LLGL2: variants seen among roughly 807,000 people sequenced by gnomAD.
LLGL2 encodes the protein LLGL2, scribble cell polarity complex component.
In LLGL2, 81 loss-of-function variants were observed where a neutral mutation model predicts 123.2. The ratio of observed to expected loss-of-function variants is 0.66; its 90% CI spans 0.55 to 0.79. The LOEUF is 0.79. Among genes scored for constraint, LLGL2 ranks in the 30% least tolerant of loss-of-function variants. The pLI is 0.00. For missense variants in LLGL2, 1,273 were observed against 1,414.6 expected (o/e 0.90, Z 1.61); for synonymous variants, 577 against 594.1 (o/e 0.97, Z 0.42).
At chr17:75,548,255 T>C (rs1046269758) in intron 2 of LLGL2, among the ~76,000 whole-genome samples, 3 of 150,844 alleles carry the variant, frequency 2.0e-5, no homozygotes, top group African/African-American at 7.3e-5. Flanking sequence ...AAATTTATTT[T>C]ACAGAAGGAC....
chr17:75,568,035 G>A (rs1326266523), intron 10 of LLGL2: 1 of 1,038,682 alleles, frequency 9.6e-7, no homozygotes, highest in African/African-American at 1.7e-5. Context: ...GTGAGGTGAT[G>A]TGATTGTGTG....
rs1339164099 is a variant in LLGL2, at chr17:75,558,202, A to G, written c.221A>G (p.Asn74Ser). The G allele has an allele frequency of 1.2e-6, 2 of 1,613,448 alleles. No homozygotes were observed. The highest frequency in any genetic ancestry group is 1.3e-5 in the African/African-American group (1 of 74,912). Residue 74 changes from asparagine to serine, a missense_variant, in exon 4 of 26, where the codon AAC becomes AGC. Asn to Ser is a conservative substitution (Grantham distance 46). Coordinates refer to ENST00000392550, the MANE Select transcript of LLGL2 (RefSeq NM_001031803.2). This position sits in a 1 kb window ranked among gnomAD's most constrained non-coding sequence, Gnocchi z 4.0. ...VEFMGLHQEN[N>S]AVTQIHLLPG... The stretch of plus-strand genomic sequence containing the variant: ...TTCATGGGGCTGCACCAGGAGAACA[A>G]CGCTGTGACGCAGATCCACCTCCTG...
chr17:75,544,190 G>A lies in LLGL2; in HGVS notation c.75+689G>A, dbSNP rs973287440. Among the ~76,000 whole-genome samples the A allele has an allele frequency of 5.3e-5, 8 of 152,304 alleles. No homozygotes were observed. Among genetic ancestry groups the A allele is most frequent in the East Asian group, 1.9e-4 (1 of 5,172 alleles). ...CGTGCAGTGTGGCTCTTCAGCTCCC[G>A]GGCCACCAAGCAGTGTGGGGCCTTG... is the stretch of plus-strand genomic sequence containing the variant. On this transcript the variant is annotated intron_variant, in intron 2 of 25. Transcript: ENST00000392550. The surrounding 1 kb of genome is among the most constrained non-coding windows in gnomAD (Gnocchi z 4.2).
Position 75,559,294 on chromosome 17 carries a change from T to C in LLGL2, c.414T>C (p.His138=). 1 of 1,613,004 alleles carries C rather than the reference T, an allele frequency of 6.2e-7. No individual in the cohort carries two copies. The highest frequency in any genetic ancestry group is 8.5e-7 in the Non-Finnish European group (1 of 1,179,824). ...CACAGATCACCGTGGTCCTGCCACA[T>C]TCCTCCTGCGAGCTGCTCTACCTGG... The part of the protein sequence containing the change: ...SATQITVVLP[H]SSCELLYLGT... The change falls in exon 6 of 26, where the codon CAT becomes CAC. Residue 138 remains histidine (H), a synonymous_variant. Coordinates refer to ENST00000392550, the MANE Select transcript of LLGL2 (RefSeq NM_001031803.2). This position sits in a 1 kb window ranked among gnomAD's most constrained non-coding sequence, Gnocchi z 4.6.
In LLGL2 at chr17:75,563,749, C is replaced by T; in HGVS notation, c.827-3C>T. ...CCGTTCAAGCCGATTCCTTTCCTTT[C>T]AGGTCCCTTTCCTTGCAAAGCGATT... On this transcript the variant is annotated splice_polypyrimidine_tract_variant and splice_region_variant and intron_variant, in intron 8 of 25. Coordinates refer to ENST00000392550, the MANE Select transcript of LLGL2 (RefSeq NM_001031803.2). The T allele has an allele frequency of 2.5e-6, 4 of 1,614,126 alleles. No individual in the cohort carries two copies. Among genetic ancestry groups the T allele is most frequent in the Non-Finnish European group, 2.5e-6 (3 of 1,180,022 alleles).
Position 75,571,095 on chromosome 17 carries a change from A to G in LLGL2, c.2171A>G (p.Lys724Arg), listed in dbSNP as rs2147554813. ...CTGTACTTTGCTGACACCTACCTGA[A>G]GGACAGTGAGTGGCCAGCCTGGGGT... ...RTLYFADTYL[K>R]DSSRHCPSLW... The change falls in exon 17 of 26, where the codon AAG becomes AGG. Residue 724 changes from lysine to arginine, a missense_variant. Transcript: ENST00000392550. The G allele has an allele frequency of 1.3e-6, 2 of 1,593,492 alleles. No individual in the cohort carries two copies. Among genetic ancestry groups the G allele is most frequent in the Non-Finnish European group, 1.7e-6 (2 of 1,166,826 alleles).
At chr17:75,566,393 G>C (rs1410655163) in intron 10 of LLGL2, among the ~76,000 whole-genome samples, 1 of 152,214 alleles carries the variant, frequency 6.6e-6, no homozygotes, top group Admixed American at 6.5e-5. Context: ...GGTGACCTCA[G>C]CTTGGGCTGC....
In LLGL2 at chr17:75,558,983, C is replaced by G; in HGVS notation, c.372-269C>G. 1 of 503,186 alleles carries G rather than the reference C, an allele frequency of 2.0e-6. No homozygotes were observed. The highest frequency in any genetic ancestry group is 3.4e-5 in the Admixed American group (1 of 29,234). 31.2% of individuals were successfully genotyped at this position (503,186 alleles called of 1,614,324 possible). ...CGCACCCCGCCTCCTCCATCCGCAC[C>G]CCGCCTCCTCCATCTGCACCCCGCC... On this transcript the variant is annotated intron_variant, in intron 5 of 25. Coordinates refer to ENST00000392550, the MANE Select transcript of LLGL2 (RefSeq NM_001031803.2). The surrounding 1 kb of genome is among the most constrained non-coding windows in gnomAD (Gnocchi z 4.0).
chr17:75,574,893 A>C lies in LLGL2; in HGVS notation c.*15A>C, dbSNP rs1239014180. 5.0e-6 allele frequency: 8 copies of C among 1,613,964 alleles called. No individual in the cohort carries two copies. In the East Asian group the frequency reaches 1.6e-4, roughly 31 times the overall value. On this transcript the variant is annotated 3_prime_UTR_variant, in exon 26 of 26. Coordinates refer to ENST00000392550, the MANE Select transcript of LLGL2 (RefSeq NM_001031803.2). ...CAGCAGAGTGAGTGGCTGAGCGTCC[A>C]GGCTGCGCGATGAGCACACACTACT...
In LLGL2 at chr17:75,569,918, G is replaced by A. The variant is rs369379812; in HGVS notation, c.1582-45G>A. On this transcript the variant is annotated intron_variant, in intron 14 of 25. Coordinates refer to ENST00000392550, the MANE Select transcript of LLGL2 (RefSeq NM_001031803.2). Reference sequence around the variant, plus strand: ...ACTAGTAGCATCCTGCGGCCCTGCCGTCCCTTTGCTGAGGGCTTGCTGAGC... The same window carrying A: ...ACTAGTAGCATCCTGCGGCCCTGCCATCCCTTTGCTGAGGGCTTGCTGAGC... The A allele has an allele frequency of 1.8e-5, 28 of 1,539,004 alleles. No individual in the cohort carries two copies. In the Middle Eastern group the frequency reaches 8.8e-4, roughly 48 times the overall value.
intron 2 of LLGL2, among the ~76,000 whole-genome samples, chr17:75,550,079 G>A (rs1409135551): frequency 2.0e-5 from 3 of 152,268 alleles, no homozygotes; most frequent in African/African-American, 7.2e-5. Flanking sequence ...GGAGGCCCCA[G>A]TGGCTGCCAG....
In LLGL2 at chr17:75,532,055, T is replaced by TACACACACACACACACAC. The variant is rs10526094; in HGVS notation, c.-31+6235_-31+6252dup. ...GTAATAAATTATATATATGTATATA[T>TACACACACACACACACAC]ACACACACACACACACACACACTTT... On this transcript the variant is annotated intron_variant, in intron 1 of 25. Transcript: ENST00000392550. Among the ~76,000 whole-genome samples the TACACACACACACACACAC allele has an allele frequency of 6.8e-3, 637 of 93,720 alleles. 4 individuals carry two copies. The highest frequency in any genetic ancestry group is 0.013 in the South Asian group (39 of 3,048). 61.5% of individuals were successfully genotyped at this position (93,720 alleles called of 152,430 possible).
chr17:75,541,946 G>T (rs1316229143), intron 1 of LLGL2, among the ~76,000 whole-genome samples: 1 of 151,680 alleles, frequency 6.6e-6, no homozygotes, highest in African/African-American at 2.4e-5. Context: ...GGCCAGGCTG[G>T]TCTCAAACTC....
chr17:75,545,875 C>T (rs1485762009), intron 2 of LLGL2, among the ~76,000 whole-genome samples: 3 of 152,140 alleles, frequency 2.0e-5, no homozygotes, highest in Non-Finnish European at 4.4e-5. Context: ...TTCTCAACTT[C>T]AGCACTCACA....
chr17:75,527,002 T>G (rs1276581504), intron 1 of LLGL2, among the ~76,000 whole-genome samples: 1 of 151,562 alleles, frequency 6.6e-6, no homozygotes, highest in African/African-American at 2.4e-5. Flanking sequence ...ACCTCGTCTC[T>G]GCAAATAATA....
intron 6 of LLGL2, among the ~76,000 whole-genome samples, chr17:75,561,848 G>A (rs966845352): frequency 2.6e-5 from 4 of 152,028 alleles, no homozygotes; most frequent in Non-Finnish European, 4.4e-5. Context: ...CTTGAACCCC[G>A]GAGGTGGAGG....
At position 75,564,879 on chromosome 17, in the gene LLGL2, AG is replaced by A. The variant is rs1555659209; in HGVS notation, c.1036+375del. 6.7e-6 allele frequency among the ~76,000 whole-genome samples: 1 copy of A among 148,340 alleles called. No individual in the cohort carries two copies. Among genetic ancestry groups the A allele is most frequent in the Non-Finnish European group, 1.5e-5 (1 of 67,094 alleles). On this transcript the variant is annotated intron_variant, in intron 10 of 25. Coordinates refer to ENST00000392550, the MANE Select transcript of LLGL2 (RefSeq NM_001031803.2). The surrounding 1 kb of genome is among the most constrained non-coding windows in gnomAD (Gnocchi z 4.9). ...CTGTGTCTCAAAAAAAAAAAAAAAAAGGGCTCTGCACAGATGTTCCTAAGCC... is the reference window on the plus strand; with the variant it reads ...CTGTGTCTCAAAAAAAAAAAAAAAAAGGCTCTGCACAGATGTTCCTAAGCC...
At chr17:75,572,526 G>T (rs575252818) in intron 19 of LLGL2, among the ~76,000 whole-genome samples, 2 of 152,144 alleles carry the variant, frequency 1.3e-5, no homozygotes, top group Non-Finnish European at 2.9e-5. Context: ...TTAGTTAGGC[G>T]TGGTGGCGGG....
chr17:75,535,512 T>G (rs895941413), intron 1 of LLGL2, among the ~76,000 whole-genome samples: 1 of 152,222 alleles, frequency 6.6e-6, no homozygotes, highest in Non-Finnish European at 1.5e-5. Flanking sequence ...TCTTGAGGGC[T>G]GGCCCCTCCC....
Sources: gnomAD v4.1 joint callset for allele counts (sites outside exome capture counted in the v4.1 genomes callset) on GRCh38, gnomAD v4.1.1 for gene constraint, Gnocchi (gnomAD v3.1) non-coding constraint, MANE v1.5 for transcripts, NCBI Gene and HGNC (gene_info 2026-07-23, HGNC 2026-07-21) for gene names.